The following SV2C variants were observed in gnomAD, a reference collection of about 807,000 sequenced individuals.
The protein encoded by SV2C is synaptic vesicle glycoprotein 2C.
A neutral mutation model predicts 79.7 loss-of-function variants in SV2C; 49 were observed. The ratio of observed to expected loss-of-function variants is 0.61; its 90% CI spans 0.49 to 0.78. The LOEUF (loss-of-function observed/expected upper bound fraction) is 0.78. SV2C is among the 30% of genes least tolerant of loss of function. SV2C has a pLI of 0.00. For synonymous variants in SV2C, 334 were observed against 333.2 expected, an observed-to-expected ratio of 1.00 and a Z score of -0.03; for missense variants, 833 against 912.9, an observed-to-expected ratio of 0.91 and a Z score of 1.13.
chr5:76,111,837 C>T (rs1399364827), intron 1 of SV2C, among the ~76,000 whole-genome samples: 2 of 152,168 alleles, frequency 1.3e-5, no homozygotes, highest in Non-Finnish European at 2.9e-5. Flanking sequence ...TGTTTTCACC[C>T]TGATATTTGT....
At chr5:75,917,606 T>C in the SV2C span, among the ~76,000 whole-genome samples, 8,587 of 151,970 alleles carry the variant, frequency 0.057, 316 homozygotes, top group Admixed American at 0.083. Flanking sequence ...TTTGGAGATA[T>C]AAAAATCAAA....
At chr5:76,291,355 C>A in intron 7 of SV2C, 24 bp downstream of exon 7, 5 of 1,541,626 alleles carry the variant, frequency 3.2e-6, no homozygotes, top group Admixed American at 2.0e-5. Flanking sequence ...CCCATGATGA[C>A]CTGCATGTTA....
chr5:76,213,654 A>G (rs866760350), intron 4 of SV2C, among the ~76,000 whole-genome samples: 1 of 152,182 alleles, frequency 6.6e-6, no homozygotes, highest in Non-Finnish European at 1.5e-5. Flanking sequence ...AATATGTACA[A>G]CTTGAAGGTT....
intron 1 of SV2C, chr5:76,083,992 C>A (rs1036313467): frequency 6.6e-6 from 1 of 152,254 alleles, no homozygotes; most frequent in Non-Finnish European, 1.5e-5. Context: ...GATCCCTCTG[C>A]AGACGTGCAG....
chr5:75,931,309 T>C, the SV2C span, among the ~76,000 whole-genome samples: 1 of 152,354 alleles, frequency 6.6e-6, no homozygotes, highest in South Asian at 2.1e-4. Context: ...AGCTGAATTC[T>C]AGTTTACACT....
chr5:76,084,829 G>T (rs993694422), intron 1 of SV2C, among the ~76,000 whole-genome samples: 2 of 151,532 alleles, frequency 1.3e-5, no homozygotes, highest in Non-Finnish European at 2.9e-5. Flanking sequence ...GCAGAGGGGG[G>T]CGGGAGGACT....
At chr5:75,861,876 T>C in the SV2C span, among the ~76,000 whole-genome samples, 5 of 152,176 alleles carry the variant, frequency 3.3e-5, no homozygotes, top group African/African-American at 1.2e-4. Context: ...CTATGCTCAC[T>C]ACCTGGGTGA....
the SV2C span, among the ~76,000 whole-genome samples, chr5:76,069,783 CCT>C: frequency 4.6e-5 from 7 of 152,032 alleles, no homozygotes; most frequent in South Asian, 2.1e-4. Flanking sequence ...CAACCTCTCT[CCT>C]CTCTCTCTTT....
chr5:76,311,649 A>C (rs1319160433), intron 12 of SV2C, among the ~76,000 whole-genome samples: 1 of 152,212 alleles, frequency 6.6e-6, no homozygotes. Flanking sequence ...TGTAATGTAG[A>C]TCACAAACAA....
At chr5:76,160,819 A>G (rs1742876634) in intron 2 of SV2C, among the ~76,000 whole-genome samples, 1 of 152,212 alleles carries the variant, frequency 6.6e-6, no homozygotes, top group Admixed American at 6.5e-5. Context: ...GCAAATTGAA[A>G]CCAGAGAAGA....
intron 4 of SV2C, among the ~76,000 whole-genome samples, chr5:76,229,368 A>T (rs1340364629): frequency 6.6e-6 from 1 of 152,248 alleles, no homozygotes; most frequent in Non-Finnish European, 1.5e-5. Context: ...CTGGACAATT[A>T]GAAATGGGTA....
the SV2C span, among the ~76,000 whole-genome samples, chr5:76,028,175 A>G: frequency 0.041 from 6,285 of 152,180 alleles, 400 homozygotes; most frequent in African/African-American, 0.14. Context: ...TTCAGCTTGG[A>G]AACAACCATA....
chr5:76,222,481 A>C (rs1451390642), intron 4 of SV2C, among the ~76,000 whole-genome samples: 2 of 152,098 alleles, frequency 1.3e-5, no homozygotes, highest in Non-Finnish European at 2.9e-5. Flanking sequence ...ATGACTATAA[A>C]GGAGTTGCAT....
intron 1 of SV2C, among the ~76,000 whole-genome samples, chr5:76,105,605 G>A (rs1158604956): frequency 6.6e-6 from 1 of 152,030 alleles, no homozygotes; most frequent in Non-Finnish European, 1.5e-5. Context: ...CTTCCTTGCA[G>A]TTGCTACCTT....
At chr5:76,146,218 A>G (rs1226759499) in intron 2 of SV2C, among the ~76,000 whole-genome samples, 1 of 152,188 alleles carries the variant, frequency 6.6e-6, no homozygotes, top group Non-Finnish European at 1.5e-5. Context: ...AAAGGTCCTG[A>G]TCCAGACCCC....
At chr5:75,887,599 C>T in the SV2C span, among the ~76,000 whole-genome samples, 2 of 152,078 alleles carry the variant, frequency 1.3e-5, no homozygotes, top group African/African-American at 2.4e-5. Context: ...AATAAGGCTT[C>T]CAGTAGACTT....
chr5:76,131,376 C>T (rs1368803795), intron 1 of SV2C, among the ~76,000 whole-genome samples: 1 of 151,954 alleles, frequency 6.6e-6, no homozygotes, highest in Non-Finnish European at 1.5e-5. Context: ...CAGGGGAATT[C>T]CTGTGTACTG....
the SV2C span, among the ~76,000 whole-genome samples, chr5:75,984,869 A>G: frequency 6.6e-6 from 1 of 152,008 alleles, no homozygotes; most frequent in South Asian, 2.1e-4. Context: ...GCCCACCCAG[A>G]TTACCTAAAA....
the SV2C span, among the ~76,000 whole-genome samples, chr5:75,872,537 G>T: frequency 4.9e-4 from 74 of 152,116 alleles, no homozygotes; most frequent in African/African-American, 1.7e-3. Flanking sequence ...GATTAACAGA[G>T]GGGAATTGAC....
Sources: gnomAD v4.1 joint callset for allele counts (sites outside exome capture counted in the v4.1 genomes callset) on GRCh38, gnomAD v4.1.1 for gene constraint, MANE v1.5 for transcripts, NCBI Gene and HGNC (gene_info 2026-07-23, HGNC 2026-07-21) for gene names.